FANCA: variants seen among roughly 807,000 people sequenced by gnomAD.
FANCA encodes FA complementation group A, also known as Fanconi anemia group A protein.
A neutral mutation model predicts 194.3 loss-of-function variants in FANCA; 236 were observed. That is an observed-to-expected ratio of 1.21 (90% CI 1.09 to 1.35). The LOEUF is 1.35. Ranked by LOEUF, FANCA falls within the 40% of genes most tolerant of loss-of-function variation. The pLI, the probability that FANCA is intolerant of heterozygous loss-of-function variation, is 0.00. For synonymous variants in FANCA, 1,014 were observed against 715.8 expected (o/e 1.42, Z -6.65); for missense variants, 2,628 against 1,813.9 (o/e 1.45, Z -8.15).
chr16:89,775,151 T>C (rs2039458492), intron 21 of FANCA, among the ~76,000 whole-genome samples: 1 of 150,338 alleles, frequency 6.7e-6, no homozygotes, highest in Non-Finnish European at 1.5e-5. Context: ...TCATAGCGGC[T>C]CCCACAGGGA....
intron 14 of FANCA, among the ~76,000 whole-genome samples, chr16:89,787,600 G>T (rs1164557615): frequency 6.6e-6 from 1 of 151,980 alleles, no homozygotes; most frequent in East Asian, 1.9e-4. Flanking sequence ...GCCAGGTGTG[G>T]TGACATACAC....
intron 7 of FANCA, 110 bp downstream of exon 7, chr16:89,805,170 G>A (rs745711827): frequency 7.6e-5 from 63 of 828,372 alleles, no homozygotes; most frequent in South Asian, 6.9e-4. Context: ...AGGTTCCCAC[G>A]GCCACGGAGA....
At chr16:89,815,322 C>T (rs2041062719) in intron 2 of FANCA, among the ~76,000 whole-genome samples, 1 of 144,546 alleles carries the variant, frequency 6.9e-6, no homozygotes, top group Non-Finnish European at 1.5e-5. Flanking sequence ...CAGGCGTGAG[C>T]CACCACGCCC....
intron 6 of FANCA, among the ~76,000 whole-genome samples, chr16:89,806,832 GTCATCA>G (rs1482511776): frequency 5.9e-5 from 9 of 152,066 alleles, no homozygotes; most frequent in South Asian, 2.1e-4. Flanking sequence ...AACCGCCATT[GTCATCA>G]TGGCCCGTTC....
chr16:89,791,718 C>G (rs185542929), intron 13 of FANCA, 182 bp from the exon 14 acceptor site: 3 of 970,220 alleles, frequency 3.1e-6, no homozygotes, highest in African/African-American at 3.2e-5. Context: ...CTGAATGAAG[C>G]AGCAGTGGAC....
chr16:89,742,327 A>T (rs1007496868), intron 37 of FANCA, among the ~76,000 whole-genome samples: 1 of 152,062 alleles, frequency 6.6e-6, no homozygotes, highest in Non-Finnish European at 1.5e-5. Flanking sequence ...GCATGGTGGC[A>T]CACACCTGTA....
At position 89,765,025 on chromosome 16, in the gene FANCA, C is replaced by T; in HGVS notation, c.2643G>A (p.Gln881=). Reference sequence around the variant, plus strand: ...TGGCTACGTCCTCCTCAGAAAGAGGCTGTCGGGCCTCTGAGAACAATCTGA... The same window carrying T: ...TGGCTACGTCCTCCTCAGAAAGAGGTTGTCGGGCCTCTGAGAACAATCTGA... ...LMFRLFSEAR[Q]PLSEEDVASL... The change falls in exon 28 of 43, where the codon CAG becomes CAA. Residue 881 remains glutamine (Q), a synonymous_variant. Coordinates refer to ENST00000389301, the MANE Select transcript of FANCA (RefSeq NM_000135.4). The T allele has an allele frequency of 6.2e-7, 1 of 1,614,276 alleles. No individual in the cohort carries two copies. Among genetic ancestry groups the T allele is most frequent in the African/African-American group, 1.3e-5 (1 of 75,070 alleles).
chr16:89,798,812 A>G (rs1428876604), intron 10 of FANCA: 7 of 1,447,824 alleles, frequency 4.8e-6, no homozygotes, highest in Non-Finnish European at 6.3e-6. Flanking sequence ...GCTGAGAGGC[A>G]GGGCCAGCTC....
At chr16:89,742,768 A>C (rs1182558233) in intron 37 of FANCA, 32 bp downstream of exon 37, 2 of 1,613,272 alleles carry the variant, frequency 1.2e-6, no homozygotes. Flanking sequence ...GCTTGCGAGA[A>C]AATAAATCAG....
intron 12 of FANCA, among the ~76,000 whole-genome samples, 165 bp from the exon 13 acceptor site, chr16:89,792,233 C>A (rs1430510148): frequency 1.3e-5 from 2 of 152,154 alleles, no homozygotes; most frequent in African/African-American, 2.4e-5. Context: ...TCTCCCCTCA[C>A]AGTGGCCAGC....
intron 11 of FANCA, among the ~76,000 whole-genome samples, chr16:89,795,263 A>G (rs2040203157): frequency 6.7e-6 from 1 of 150,286 alleles, no homozygotes; most frequent in Admixed American, 6.7e-5. Flanking sequence ...CCAACCTGGC[A>G]ACAGAGCAAG....
In FANCA at chr16:89,816,647, C is replaced by A; in HGVS notation, c.-32G>T. ...GGCGCCTACAGCCCCGGCGGCGGCT[C>A]CCTGCGCCCGAGCCCGCGCTGCCTT... On this transcript the variant is annotated 5_prime_UTR_variant, in exon 1 of 43. Coordinates refer to ENST00000389301, the MANE Select transcript of FANCA (RefSeq NM_000135.4). 8 of 1,513,556 alleles carry A rather than the reference C, an allele frequency of 5.3e-6. No individual in the cohort carries two copies. The highest frequency in any genetic ancestry group is 4.0e-5 in the Admixed American group (2 of 49,450). The allele number at this position is 1,513,556 out of a possible 1,614,324, so 93.8% of individuals were successfully genotyped here. A position where few individuals can be genotyped will look rare whatever the true frequency, so the allele number is the denominator to read the frequency against.
Position 89,791,021 on chromosome 16 carries a change from G to GTGT in FANCA, c.1359+379_1359+381dup, listed in dbSNP as rs1418943363. 6.0e-3 allele frequency: 1,343 copies of GTGT among 222,676 alleles called. 32 individuals are homozygous for GTGT. The highest frequency in any genetic ancestry group is 0.016 in the East Asian group (133 of 8,338). The allele number at this position is 222,676 out of a possible 1,614,324, so 13.8% of individuals were successfully genotyped here. On this transcript the variant is annotated intron_variant, in intron 14 of 42. Transcript: ENST00000389301. ...GTTTTTGTTTTGTGTGTGTGTGTGT[G>GTGT]TGTTTTTTTTTTTTTTTTTTTTTTT...
rs1035775047 is a variant in FANCA, at chr16:89,783,107, G to C, written c.1471-5C>G. The C allele has an allele frequency of 6.2e-7, 1 of 1,607,282 alleles. No homozygotes were observed. The highest frequency in any genetic ancestry group is 1.1e-5 in the South Asian group (1 of 90,914). On this transcript the variant is annotated splice_region_variant and splice_polypyrimidine_tract_variant and intron_variant, in intron 15 of 42. Transcript: ENST00000389301. ...GGGTGGGTGGAGAATGTGCACCTGA[G>C]GATAGATAGCAGAGCGCAGCACCGT...
At chr16:89,784,468 G>T (rs2039829907) in intron 15 of FANCA, among the ~76,000 whole-genome samples, 1 of 148,364 alleles carries the variant, frequency 6.7e-6, no homozygotes, top group South Asian at 2.1e-4. Context: ...AACCCTCACT[G>T]CAGTACAACT....
At chr16:89,782,776 C>T (rs767143563) in intron 17 of FANCA, 83 bp downstream of exon 17, 160 of 1,291,074 alleles carry the variant, frequency 1.2e-4, no homozygotes, top group Non-Finnish European at 1.7e-4. Flanking sequence ...GGCTGAAAAA[C>T]TCAACTCAAG....
At chr16:89,739,911 G>C (rs1339915964) in intron 39 of FANCA, 83 bp downstream of exon 39, 3 of 1,590,870 alleles carry the variant, frequency 1.9e-6, no homozygotes, top group East Asian at 4.5e-5. Flanking sequence ...GGAACCTCAA[G>C]GAGGGCTCGT....
At chr16:89,785,570 G>T (rs943087545) in intron 14 of FANCA, among the ~76,000 whole-genome samples, 4 of 152,284 alleles carry the variant, frequency 2.6e-5, no homozygotes, top group African/African-American at 9.6e-5. Flanking sequence ...GAACGAAGGG[G>T]GCTGCAGCAA....
chr16:89,746,934 G>C (rs1321723073), intron 33 of FANCA, 44 bp from the exon 34 acceptor site: 5 of 1,518,250 alleles, frequency 3.3e-6, no homozygotes, highest in African/African-American at 1.4e-5. Context: ...CACAGGAAGA[G>C]AGGCGAGACC....
Sources: allele counts gnomAD v4.1 joint callset (sites outside exome capture counted in the v4.1 genomes callset), GRCh38; gene constraint gnomAD v4.1.1; transcripts MANE v1.5; gene names NCBI Gene and HGNC (gene_info 2026-07-23, HGNC 2026-07-21).